Variants in WDR25 observed in about 807,000 individuals in gnomAD.
WDR25 encodes the protein WD repeat-containing protein 25.
A neutral mutation model predicts 47.7 loss-of-function variants in WDR25; 35 were observed. That is an observed-to-expected ratio of 0.73 (90% confidence interval 0.56 to 0.97). WDR25 has a LOEUF of 0.97. Among genes scored for constraint, WDR25 ranks in the 50% least tolerant of loss-of-function variants. The pLI is 0.00. For missense variants in WDR25, 634 were observed against 704.7 expected (o/e 0.90, Z 1.14); for synonymous variants, 248 against 278.9 (o/e 0.89, Z 1.10).
At chr14:100,445,820 G>A (rs754122683) in intron 2 of WDR25, among the ~76,000 whole-genome samples, 10 of 152,190 alleles carry the variant, frequency 6.6e-5, no homozygotes, top group Non-Finnish European at 1.5e-4. Flanking sequence ...GTTCTACCCT[G>A]ACTCAGGCAT....
intron 5 of WDR25, among the ~76,000 whole-genome samples, chr14:100,527,972 G>A (rs142308200): frequency 1.4e-4 from 21 of 152,044 alleles, no homozygotes; most frequent in Admixed American, 3.3e-4. Context: ...GAGATCTCGC[G>A]CCCCCTGTGT....
chr14:100,469,171 G>A (rs2140298248), intron 3 of WDR25, among the ~76,000 whole-genome samples: 1 of 152,188 alleles, frequency 6.6e-6, no homozygotes, highest in South Asian at 2.1e-4. Context: ...TCTGGGCCCT[G>A]CCTCTCCTAG....
At chr14:100,399,380 C>T (rs1897325488) in intron 2 of WDR25, among the ~76,000 whole-genome samples, 1 of 152,100 alleles carries the variant, frequency 6.6e-6, no homozygotes, top group Non-Finnish European at 1.5e-5. Context: ...CCTTTCCCTT[C>T]CTTCTCTTGC....
chr14:100,403,562 G>A (rs1897444703), intron 2 of WDR25, among the ~76,000 whole-genome samples: 1 of 152,224 alleles, frequency 6.6e-6, no homozygotes, highest in African/African-American at 2.4e-5. Flanking sequence ...GTTGTGTATG[G>A]TCAGGAGATA....
intron 2 of WDR25, among the ~76,000 whole-genome samples, chr14:100,452,315 A>G (rs892569652): frequency 6.6e-6 from 1 of 152,262 alleles, no homozygotes; most frequent in Non-Finnish European, 1.5e-5. Flanking sequence ...AACAAAACAG[A>G]TAATGAAGAG....
At chr14:100,472,470 G>A (rs983339690) in intron 3 of WDR25, among the ~76,000 whole-genome samples, 1 of 152,264 alleles carries the variant, frequency 6.6e-6, no homozygotes, top group African/African-American at 2.4e-5. Flanking sequence ...AACACATATA[G>A]GGTGCTTTGC....
At chr14:100,515,761 A>C (rs1901468843) in intron 4 of WDR25, among the ~76,000 whole-genome samples, 1 of 149,696 alleles carries the variant, frequency 6.7e-6, no homozygotes, top group Admixed American at 6.7e-5. Context: ...TAGTAGCTGG[A>C]ATTACAGGCG....
chr14:100,523,675 TC>T lies in WDR25; in HGVS notation c.1102-2190del, dbSNP rs1268917801. On this transcript the variant is annotated intron_variant, in intron 4 of 6. Coordinates refer to ENST00000402312, the MANE Select transcript of WDR25 (RefSeq NM_001161476.3). The surrounding 1 kb of genome is among the most constrained non-coding windows in gnomAD (Gnocchi z 4.7). ...TGGACGAGTCAGCAGCGGCCCAGCA[TC>T]CCCCAGGTTTGCTGGTGGGCCGAGT... is the stretch of plus-strand genomic sequence containing the variant. Among the ~76,000 whole-genome samples the T allele has an allele frequency of 6.6e-6, 1 of 151,974 alleles. No homozygotes were observed. Among genetic ancestry groups the T allele is most frequent in the Non-Finnish European group, 1.5e-5 (1 of 67,990 alleles).
Position 100,415,215 on chromosome 14 carries a change from G to A in WDR25, c.822+33469G>A, listed in dbSNP as rs566766102. ...AAAGAGAAGACCCAGGAAGCTTTGA[G>A]CATGTTAACTTAATTTCTCTGAGGC... is the stretch of plus-strand genomic sequence containing the variant. On this transcript the variant is annotated intron_variant, in intron 2 of 6. Coordinates refer to ENST00000402312, the MANE Select transcript of WDR25 (RefSeq NM_001161476.3). Among the ~76,000 whole-genome samples, 22 of 152,300 alleles carry A rather than the reference G, an allele frequency of 1.4e-4. No homozygotes were observed. The South Asian group carries it at 2.1e-3, about 14-fold the overall frequency.
intron 2 of WDR25, among the ~76,000 whole-genome samples, chr14:100,457,439 T>C (rs762314744): frequency 3.4e-4 from 52 of 152,320 alleles, no homozygotes; most frequent in Non-Finnish European, 6.3e-4. Context: ...CCAAAACCAC[T>C]GTCAACCCCA....
At chr14:100,526,188 G>A in intron 5 of WDR25, 148 bp downstream of exon 5, 7 of 1,020,390 alleles carry the variant, frequency 6.9e-6, no homozygotes, top group Middle Eastern at 2.9e-4. Flanking sequence ...GTCTCAGCCT[G>A]CCGCACACAT....
Position 100,483,978 on chromosome 14 carries a change from T to C in WDR25, c.971-16T>C. On this transcript the variant is annotated splice_polypyrimidine_tract_variant and intron_variant, in intron 3 of 6. Coordinates refer to ENST00000402312, the MANE Select transcript of WDR25 (RefSeq NM_001161476.3). ...CTAAGTACTTTCTAACCCTCTCTTC[T>C]CTTTTTGTGTTGTAGGAACCCAGCT... 6.2e-7 allele frequency: 1 copy of C among 1,600,800 alleles called. No individual in the cohort carries two copies.
At chr14:100,383,424 G>T (rs967991925) in intron 2 of WDR25, among the ~76,000 whole-genome samples, 2 of 152,240 alleles carry the variant, frequency 1.3e-5, no homozygotes, top group African/African-American at 4.8e-5. Flanking sequence ...CATCTGGAGG[G>T]TTGCTGGTGG....
At chr14:100,400,391 C>G (rs182738187) in intron 2 of WDR25, among the ~76,000 whole-genome samples, 2 of 152,330 alleles carry the variant, frequency 1.3e-5, no homozygotes, top group East Asian at 3.9e-4. Context: ...CTGCACCTTT[C>G]CGGGTTTGAC....
intron 3 of WDR25, among the ~76,000 whole-genome samples, chr14:100,471,414 C>A (rs1016540010): frequency 2.0e-5 from 3 of 152,220 alleles, no homozygotes; most frequent in Non-Finnish European, 4.4e-5. Context: ...CTCTGCACAT[C>A]CCACCTCCAG....
At position 100,428,997 on chromosome 14, in the gene WDR25, A is replaced by G. The variant is rs1341261917; in HGVS notation, c.823-39024A>G. 6.6e-6 allele frequency among the ~76,000 whole-genome samples: 1 copy of G among 152,148 alleles called. No homozygotes were observed. Among genetic ancestry groups the G allele is most frequent in the Non-Finnish European group, 1.5e-5 (1 of 68,034 alleles). ...TCACATAAGTCATTTCAGATCCTGC[A>G]CTTATTGAATCAGTGCATACTGCTG... On this transcript the variant is annotated intron_variant, in intron 2 of 6. Transcript: ENST00000402312. This position sits in a 1 kb window ranked among gnomAD's most constrained non-coding sequence, Gnocchi z 4.3.
At chr14:100,416,261 G>C (rs1025348432) in intron 2 of WDR25, among the ~76,000 whole-genome samples, 8 of 152,212 alleles carry the variant, frequency 5.3e-5, no homozygotes, top group African/African-American at 1.9e-4. Context: ...CAAGGGAAGT[G>C]CCTGGTATAG....
At chr14:100,460,689 A>T (rs1899382364) in intron 2 of WDR25, among the ~76,000 whole-genome samples, 1 of 152,184 alleles carries the variant, frequency 6.6e-6, no homozygotes, top group South Asian at 2.1e-4. Flanking sequence ...AATAGAAGAG[A>T]ACTCCTTTAA....
At chr14:100,427,263 C>T (rs943267776) in intron 2 of WDR25, among the ~76,000 whole-genome samples, 2 of 152,122 alleles carry the variant, frequency 1.3e-5, no homozygotes, top group East Asian at 1.9e-4. Flanking sequence ...CCTTTTCCCA[C>T]GAAGCCCTCC....
Sources: gnomAD v4.1 joint callset for allele counts (sites outside exome capture counted in the v4.1 genomes callset) on GRCh38, gnomAD v4.1.1 for gene constraint, Gnocchi (gnomAD v3.1) non-coding constraint, MANE v1.5 for transcripts, NCBI Gene and HGNC (gene_info 2026-07-23, HGNC 2026-07-21) for gene names.